Variants in PRKG1 observed in about 807,000 individuals in gnomAD.
PRKG1 encodes protein kinase cGMP-dependent 1.
Under a neutral mutation model 88.1 loss-of-function variants are expected in PRKG1, and 35 were observed. The observed-to-expected ratio is 0.40, with a 90% CI of 0.30 to 0.53. The LOEUF is 0.53. PRKG1 is among the 20% of genes least tolerant of loss of function. The pLI is 0.59. For missense variants in PRKG1, 540 were observed against 839.8 expected (o/e 0.64, Z 4.41); for synonymous variants, 303 against 292.5 (o/e 1.04, Z -0.37).
intron 7 of PRKG1, among the ~76,000 whole-genome samples, chr10:52,118,398 C>T (rs1487716962): frequency 6.6e-6 from 1 of 151,822 alleles, no homozygotes; most frequent in Non-Finnish European, 1.5e-5. Context: ...ACTTTTAATG[C>T]ATACATATCT....
At chr10:51,145,694 A>T (rs1845929021) in intron 1 of PRKG1, among the ~76,000 whole-genome samples, 1 of 150,900 alleles carries the variant, frequency 6.6e-6, no homozygotes, top group Non-Finnish European at 1.5e-5. Flanking sequence ...AAGTGGATGA[A>T]CACCTAAAAG....
At chr10:51,661,920 C>T (rs1015171194) in intron 3 of PRKG1, among the ~76,000 whole-genome samples, 1 of 152,110 alleles carries the variant, frequency 6.6e-6, no homozygotes, top group Non-Finnish European at 1.5e-5. Flanking sequence ...AGTTCACATC[C>T]TTTGTAGGGA....
chr10:52,058,102 G>A (rs1006356607), intron 6 of PRKG1, among the ~76,000 whole-genome samples: 4 of 151,614 alleles, frequency 2.6e-5, no homozygotes, highest in African/African-American at 9.7e-5. Context: ...TAGCAAAATC[G>A]GCATTATTCA....
chr10:51,451,303 G>A (rs540184816), intron 2 of PRKG1, among the ~76,000 whole-genome samples: 50 of 151,192 alleles, frequency 3.3e-4, no homozygotes, highest in African/African-American at 1.2e-3. Flanking sequence ...TGGTGACAAT[G>A]TCCATAATAC....
At chr10:52,144,447 C>G (rs1173801281) in intron 8 of PRKG1, among the ~76,000 whole-genome samples, 2 of 152,118 alleles carry the variant, frequency 1.3e-5, no homozygotes, top group African/African-American at 4.8e-5. Context: ...GGGAGGAACT[C>G]AAACAGGCAG....
intron 2 of PRKG1, among the ~76,000 whole-genome samples, chr10:51,198,702 G>A (rs571022439): frequency 6.6e-6 from 1 of 152,202 alleles, no homozygotes; most frequent in East Asian, 1.9e-4. Flanking sequence ...TTTTTCTTAT[G>A]CCGTCAGTCT....
At chr10:51,515,960 T>C (rs762496475) in intron 3 of PRKG1, among the ~76,000 whole-genome samples, 3 of 152,130 alleles carry the variant, frequency 2.0e-5, no homozygotes, top group Non-Finnish European at 4.4e-5. Flanking sequence ...CAGACAGCAT[T>C]GTGTTATCAG....
intron 17 of PRKG1, 93 bp downstream of exon 17, chr10:52,290,383 T>C (rs75958627): frequency 5.6e-6 from 6 of 1,075,920 alleles, no homozygotes; most frequent in Admixed American, 5.1e-5. Flanking sequence ...TTTAATCCTA[T>C]GATTAAGTTA....
At chr10:51,093,388 G>T (rs950083393) in intron 1 of PRKG1, among the ~76,000 whole-genome samples, 1 of 152,086 alleles carries the variant, frequency 6.6e-6, no homozygotes, top group Non-Finnish European at 1.5e-5. Flanking sequence ...TTATCCTGGT[G>T]CCCAAAATAA....
At chr10:52,101,763 G>A (rs2132567506) in intron 7 of PRKG1, among the ~76,000 whole-genome samples, 1 of 152,186 alleles carries the variant, frequency 6.6e-6, no homozygotes, top group South Asian at 2.1e-4. Context: ...AATTGACAGA[G>A]GTTGTATTAG....
At chr10:51,895,121 A>G (rs752581042) in intron 4 of PRKG1, among the ~76,000 whole-genome samples, 9 of 152,210 alleles carry the variant, frequency 5.9e-5, no homozygotes, top group Non-Finnish European at 1.2e-4. Flanking sequence ...ATCTGGACTG[A>G]GACTTATTGA....
intron 2 of PRKG1, among the ~76,000 whole-genome samples, chr10:51,400,664 C>T (rs569159812): frequency 1.3e-4 from 20 of 152,314 alleles, no homozygotes; most frequent in South Asian, 4.1e-4. Flanking sequence ...GAAGTGAGTG[C>T]GTTTCTGTTT....
chr10:52,132,638 C>G (rs1837297037), intron 7 of PRKG1, among the ~76,000 whole-genome samples: 1 of 152,006 alleles, frequency 6.6e-6, no homozygotes. Flanking sequence ...GGTTTATAGA[C>G]TGTATTATTA....
chr10:51,668,781 T>A (rs1840484542), intron 3 of PRKG1, among the ~76,000 whole-genome samples: 1 of 152,160 alleles, frequency 6.6e-6, no homozygotes, highest in Non-Finnish European at 1.5e-5. Context: ...AAAGCCCATC[T>A]CCTCAAATGA....
At chr10:51,909,527 G>C (rs1161183067) in intron 5 of PRKG1, 1 of 152,080 alleles carries the variant, frequency 6.6e-6, no homozygotes, top group Non-Finnish European at 1.5e-5. Flanking sequence ...ATTTTGCTGG[G>C]AGTCCTGACA....
intron 1 of PRKG1, among the ~76,000 whole-genome samples, chr10:51,078,768 C>T (rs1456710138): frequency 6.6e-6 from 1 of 151,870 alleles, no homozygotes; most frequent in African/African-American, 2.4e-5. Flanking sequence ...AGGCGCCAGC[C>T]ACCACGCCCG....
intron 2 of PRKG1, among the ~76,000 whole-genome samples, chr10:51,321,533 G>A (rs1458890051): frequency 4.6e-5 from 7 of 152,074 alleles, no homozygotes; most frequent in Non-Finnish European, 5.9e-5. Context: ...AACATCACAT[G>A]TTCTCACTTA....
intron 3 of PRKG1, among the ~76,000 whole-genome samples, chr10:51,487,468 C>T (rs183636740): frequency 6.6e-6 from 1 of 152,122 alleles, no homozygotes; most frequent in Non-Finnish European, 1.5e-5. Context: ...GGGTTAGAGA[C>T]AAGATTAAAA....
At chr10:51,282,876 T>C (rs982423409) in intron 2 of PRKG1, among the ~76,000 whole-genome samples, 5 of 152,240 alleles carry the variant, frequency 3.3e-5, no homozygotes, top group South Asian at 4.1e-4. Context: ...ATTTTAGATT[T>C]GGGGGGTACA....
Sources: allele counts gnomAD v4.1 joint callset (sites outside exome capture counted in the v4.1 genomes callset), GRCh38; gene constraint gnomAD v4.1.1; transcripts MANE v1.5; gene names NCBI Gene and HGNC (gene_info 2026-07-23, HGNC 2026-07-21).